NRXN1: variants seen among roughly 807,000 people sequenced by gnomAD.
NRXN1 encodes neurexin 1.
A neutral mutation model predicts 150.9 loss-of-function variants in NRXN1; 39 were observed. The observed-to-expected ratio is 0.26, with a 90% CI of 0.20 to 0.34. The LOEUF is 0.34. Ranked by LOEUF, NRXN1 falls within the 10% of genes least tolerant of loss-of-function variation. The probability of loss-of-function intolerance (pLI) is 1.00; values close to 1 mark genes in which losing one functional copy is unlikely to be tolerated. For synonymous variants in NRXN1, 924 were observed against 757.0 expected, an observed-to-expected ratio of 1.22 and a Z score of -3.62; for missense variants, 1,815 against 1,949.9, an observed-to-expected ratio of 0.93 and a Z score of 1.30.
intron 5 of NRXN1, among the ~76,000 whole-genome samples, chr2:50,768,378 G>A (rs762594175): frequency 7.9e-4 from 120 of 151,930 alleles, no homozygotes; most frequent in Middle Eastern, 3.2e-3. Flanking sequence ...GCATGATCAC[G>A]ACTCACTGGA....
At chr2:50,411,630 T>C (rs548201263) in intron 17 of NRXN1, among the ~76,000 whole-genome samples, 1 of 151,854 alleles carries the variant, frequency 6.6e-6, no homozygotes, top group Admixed American at 6.5e-5. Context: ...GGAGCGTCTC[T>C]GACCGGCCGC....
intron 2 of NRXN1, among the ~76,000 whole-genome samples, chr2:51,018,818 G>C (rs772404670): frequency 6.6e-6 from 1 of 151,966 alleles, no homozygotes; most frequent in Non-Finnish European, 1.5e-5. Flanking sequence ...TCATCAAAAG[G>C]ACAAAAATTT....
chr2:51,021,172 A>C (rs1049902452), intron 2 of NRXN1, among the ~76,000 whole-genome samples: 1 of 151,980 alleles, frequency 6.6e-6, no homozygotes, highest in African/African-American at 2.4e-5. Flanking sequence ...AAAATATAAA[A>C]ATAATTTATT....
Position 50,966,911 on chromosome 2 carries a change from T to C in NRXN1, c.773-40956A>G, listed in dbSNP as rs529658984. 2.8e-3 allele frequency among the ~76,000 whole-genome samples: 432 copies of C among 152,068 alleles called. 2 individuals are homozygous for C. The highest frequency in any genetic ancestry group is 9.7e-3 in the African/African-American group (401 of 41,544). On this transcript the variant is annotated intron_variant, in intron 2 of 22. Coordinates refer to ENST00000401669, the MANE Select transcript of NRXN1 (RefSeq NM_001330078.2). ...AGCAATCCTTCCAAAATCATAGAAC[T>C]CACTATCAGGTATCATTCTCTTGGA...
chr2:50,952,130 C>A (rs1691482918), intron 2 of NRXN1, among the ~76,000 whole-genome samples: 2 of 150,984 alleles, frequency 1.3e-5, no homozygotes, highest in East Asian at 3.9e-4. Flanking sequence ...CTACGCCCAG[C>A]TAATTTTTTG....
chr2:50,630,539 TAA>T (rs1255294364), intron 5 of NRXN1, among the ~76,000 whole-genome samples: 1 of 151,622 alleles, frequency 6.6e-6, no homozygotes, highest in Non-Finnish European at 1.5e-5. Flanking sequence ...CCGTACATCT[TAA>T]AGACAAGGAT....
At chr2:50,419,213 T>G (rs1225316257) in intron 17 of NRXN1, among the ~76,000 whole-genome samples, 2 of 152,064 alleles carry the variant, frequency 1.3e-5, no homozygotes, top group Non-Finnish European at 2.9e-5. Context: ...ACTGCAGGCT[T>G]AAATAAATAG....
chr2:50,376,022 C>T (rs959014282), intron 17 of NRXN1, among the ~76,000 whole-genome samples: 1 of 144,784 alleles, frequency 6.9e-6, no homozygotes, highest in South Asian at 2.2e-4. Context: ...ATTTAGAACT[C>T]CTGCACATAA....
chr2:50,106,526 C>A (rs1316634258), intron 18 of NRXN1, among the ~76,000 whole-genome samples: 1 of 151,936 alleles, frequency 6.6e-6, no homozygotes, highest in Non-Finnish European at 1.5e-5. Context: ...CCAACAAATA[C>A]ACTTAATGAC....
At position 50,122,748 on chromosome 2, in the gene NRXN1, G is replaced by A. The variant is rs190934895; in HGVS notation, c.3547-31254C>T. Among the ~76,000 whole-genome samples the A allele has an allele frequency of 4.0e-3, 609 of 152,292 alleles. 8 individuals are homozygous for A. Among genetic ancestry groups the A allele is most frequent in the Non-Finnish European group, 3.3e-3 (226 of 68,032 alleles). The stretch of plus-strand genomic sequence containing the variant: ...TTTCTTTTCAAAAATGGGAACGAGT[G>A]TATTCTTGCTATACTTTTTTCCAAA... On this transcript the variant is annotated intron_variant, in intron 18 of 22. Coordinates refer to ENST00000401669, the MANE Select transcript of NRXN1 (RefSeq NM_001330078.2).
intron 5 of NRXN1, among the ~76,000 whole-genome samples, chr2:50,666,839 AATGATGATGATG>A (rs202154192): frequency 6.9e-6 from 1 of 144,898 alleles, no homozygotes; most frequent in African/African-American, 2.6e-5. Context: ...AGCATAAAAT[AATGATGATGATG>A]ATGATGATGA....
intron 17 of NRXN1, among the ~76,000 whole-genome samples, chr2:50,271,070 AAAC>A (rs781390425): frequency 6.6e-6 from 1 of 152,342 alleles, no homozygotes; most frequent in Middle Eastern, 3.4e-3. Flanking sequence ...ACATAAATGA[AAAC>A]AATTCAGAAT....
intron 2 of NRXN1, among the ~76,000 whole-genome samples, chr2:50,956,888 G>A (rs958744644): frequency 7.2e-5 from 11 of 152,006 alleles, no homozygotes; most frequent in South Asian, 2.1e-4. Flanking sequence ...TTACATACAC[G>A]GAAGCTCAAG....
intron 17 of NRXN1, among the ~76,000 whole-genome samples, chr2:50,458,354 A>G (rs566691570): frequency 1.9e-4 from 29 of 152,234 alleles, no homozygotes; most frequent in Middle Eastern, 3.4e-3. Flanking sequence ...AGTAGAAGAA[A>G]TAAGAGTAGT....
intron 17 of NRXN1, among the ~76,000 whole-genome samples, chr2:50,375,668 G>T (rs950068149): frequency 6.6e-6 from 1 of 151,038 alleles, no homozygotes; most frequent in Non-Finnish European, 1.5e-5. Context: ...TATTACTATT[G>T]CAATAGCAAT....
chr2:50,404,217 G>C (rs983032732), intron 17 of NRXN1, among the ~76,000 whole-genome samples: 1 of 151,746 alleles, frequency 6.6e-6, no homozygotes, highest in Admixed American at 6.6e-5. Flanking sequence ...TCATAGCTAT[G>C]CTCTATTTAA....
chr2:50,733,153 A>G (rs1333248177), intron 5 of NRXN1, among the ~76,000 whole-genome samples: 1 of 152,182 alleles, frequency 6.6e-6, no homozygotes, highest in African/African-American at 2.4e-5. Flanking sequence ...TTTAAATGAC[A>G]CAACAGGGAA....
intron 5 of NRXN1, among the ~76,000 whole-genome samples, chr2:50,818,114 CAAAAA>C (rs199675644): frequency 2.1e-5 from 1 of 46,726 alleles, no homozygotes; most frequent in African/African-American, 7.8e-5. Flanking sequence ...GACTCCATAG[CAAAAA>C]AAAAAAAAAA....
At chr2:50,397,470 G>A (rs1348555194) in intron 17 of NRXN1, among the ~76,000 whole-genome samples, 2 of 152,112 alleles carry the variant, frequency 1.3e-5, no homozygotes, top group Admixed American at 6.6e-5. Context: ...TAACAGCAAC[G>A]AGTAGGTGCC....
Sources: gnomAD v4.1 joint callset for allele counts (sites outside exome capture counted in the v4.1 genomes callset) on GRCh38, gnomAD v4.1.1 for gene constraint, MANE v1.5 for transcripts, NCBI Gene and HGNC (gene_info 2026-07-23, HGNC 2026-07-21) for gene names.